The following PCDH19 variants were observed in gnomAD, a reference collection of about 807,000 sequenced individuals.
The protein encoded by PCDH19 is protocadherin-19.
In PCDH19, 6 loss-of-function variants were observed where a neutral mutation model predicts 46.2. The observed-to-expected ratio is 0.13, with a 90% CI of 0.07 to 0.26. The LOEUF is 0.26. Among genes scored for constraint, PCDH19 ranks in the 10% least tolerant of loss-of-function variants. The probability of loss-of-function intolerance (pLI) is 1.00; values close to 1 mark genes in which losing one functional copy is unlikely to be tolerated. For synonymous variants in PCDH19, 481 were observed against 415.7 expected (o/e 1.16, Z -1.91); for missense variants, 740 against 972.3 (o/e 0.76, Z 3.18).
chrX:100,378,451 A>G (rs745911985), intron 3 of PCDH19, among the ~76,000 whole-genome samples: 7 of 112,784 alleles, frequency 6.2e-5, no homozygotes, highest in Non-Finnish European at 1.3e-4. Context: ...AAGGAAATTT[A>G]CATGAAAAAT....
intron 1 of PCDH19, among the ~76,000 whole-genome samples, chrX:100,405,002 A>G (rs920625428): frequency 4.4e-5 from 5 of 112,439 alleles, no homozygotes; most frequent in African/African-American, 1.6e-4. Context: ...AACAGGATTA[A>G]AGCATTTATG....
chrX:100,325,088 C>T (rs1320944029), intron 5 of PCDH19, among the ~76,000 whole-genome samples: 2 of 109,392 alleles, frequency 1.8e-5, no homozygotes, highest in Admixed American at 2.0e-4. Flanking sequence ...AACACCTAGC[C>T]ATCCGATTCA....
intron 5 of PCDH19, among the ~76,000 whole-genome samples, chrX:100,318,919 G>A (rs1211766305): frequency 9.0e-6 from 1 of 110,519 alleles, no homozygotes; most frequent in Non-Finnish European, 1.9e-5. Context: ...CTTTCCCTCT[G>A]TGCTTTCCTT....
chrX:100,304,250 T>C (rs1048915737), intron 5 of PCDH19, among the ~76,000 whole-genome samples: 37 of 111,350 alleles, frequency 3.3e-4, no homozygotes, highest in African/African-American at 1.2e-3. Context: ...ACAGGACTCT[T>C]TGCAGACACT....
intron 3 of PCDH19, among the ~76,000 whole-genome samples, chrX:100,367,594 G>A (rs778057129): frequency 9.0e-6 from 1 of 111,590 alleles, no homozygotes; most frequent in Admixed American, 9.5e-5. Flanking sequence ...GACAGAAGAT[G>A]GAAGGACAAA....
intron 5 of PCDH19, 23 bp downstream of exon 5, chrX:100,341,880 A>T: frequency 1.0e-5 from 12 of 1,201,436 alleles, no homozygotes; most frequent in Non-Finnish European, 1.0e-5. Context: ...GATTGCTGCA[A>T]CTTACATCCA....
chrX:100,306,414 G>A (rs190579863), intron 5 of PCDH19, among the ~76,000 whole-genome samples: 19 of 111,047 alleles, frequency 1.7e-4, no homozygotes, highest in South Asian at 3.8e-4. Context: ...CAGCAAAAGC[G>A]GTGCTAAGAG....
chrX:100,373,511 A>G (rs780479823), intron 3 of PCDH19, among the ~76,000 whole-genome samples: 8 of 112,947 alleles, frequency 7.1e-5, no homozygotes, highest in Non-Finnish European at 1.5e-4. Context: ...GCTGTGATGC[A>G]GAGAGAAGAA....
At chrX:100,319,167 C>T (rs764984389) in intron 5 of PCDH19, among the ~76,000 whole-genome samples, 1 of 111,662 alleles carries the variant, frequency 9.0e-6, no homozygotes, top group East Asian at 2.8e-4. Context: ...ACTAAACCCA[C>T]AATGCTTTTG....
chrX:100,340,620 T>C (rs1009527912), intron 5 of PCDH19, among the ~76,000 whole-genome samples: 1 of 111,755 alleles, frequency 8.9e-6, no homozygotes, highest in Non-Finnish European at 1.9e-5. Flanking sequence ...ATGTCACCAC[T>C]CACCAATTAG....
intron 3 of PCDH19, among the ~76,000 whole-genome samples, chrX:100,354,389 A>G (rs1220752374): frequency 8.9e-6 from 1 of 111,978 alleles, no homozygotes; most frequent in Non-Finnish European, 1.9e-5. Context: ...AAAAATAAAA[A>G]TACTGTCACC....
intron 3 of PCDH19, among the ~76,000 whole-genome samples, chrX:100,383,647 C>T (rs931612266): frequency 1.8e-5 from 2 of 112,128 alleles, no homozygotes; most frequent in African/African-American, 3.2e-5. Context: ...ATATTATATA[C>T]ATGTCAATTG....
intron 5 of PCDH19, among the ~76,000 whole-genome samples, chrX:100,298,846 C>T (rs761663472): frequency 1.7e-3 from 195 of 111,671 alleles, no homozygotes; most frequent in Non-Finnish European, 2.9e-3. Flanking sequence ...AGTTGATCTA[C>T]TTTTAATCAG....
At chrX:100,399,152 T>C (rs1251051653) in intron 3 of PCDH19, among the ~76,000 whole-genome samples, 3 of 111,953 alleles carry the variant, frequency 2.7e-5, no homozygotes, top group Non-Finnish European at 5.6e-5. Flanking sequence ...AATGAAATAA[T>C]ATAAAGAACA....
chrX:100,363,482 A>C (rs1926961759), intron 3 of PCDH19, among the ~76,000 whole-genome samples: 1 of 106,574 alleles, frequency 9.4e-6, no homozygotes, highest in African/African-American at 3.4e-5. Flanking sequence ...GTCCAACTAA[A>C]CTCCCATTGA....
chrX:100,299,069 A>G (rs1055022969), intron 5 of PCDH19, among the ~76,000 whole-genome samples: 3 of 111,628 alleles, frequency 2.7e-5, no homozygotes, highest in Middle Eastern at 4.6e-3. Flanking sequence ...AAAGTTCAAT[A>G]AATTATTTCC....
intron 3 of PCDH19, among the ~76,000 whole-genome samples, chrX:100,363,693 TATATAATATATTTATTTTATATATA>T (rs1250683877): frequency 2.3e-4 from 13 of 56,412 alleles, no homozygotes; most frequent in East Asian, 6.8e-4. Context: ...ACATATTTTA[TATATAATATATTTATTTTATATATA>T]ATATATTTAT....
At position 100,408,085 on chromosome X, in the gene PCDH19, G is replaced by A. The variant is rs749602848; in HGVS notation, c.513C>T (p.Asn171=). 341 of 1,209,015 alleles carry A rather than the reference G, an allele frequency of 2.8e-4. 1 individual carries two copies. The highest frequency in any genetic ancestry group is 2.4e-3 in the South Asian group (139 of 56,892). The change falls in exon 1 of 6, where the codon AAC becomes AAT. Residue 171 remains asparagine (N), a synonymous_variant. Transcript: ENST00000373034. ...FGVQTYELTP[N]ELFGLEIKTR... is the part of the protein sequence containing the mutation. ...TCTTGATCTCCAGGCCGAACAGCTCGTTGGGCGTGAGCTCGTAAGTCTGCA... is the reference window on the plus strand; with the variant it reads ...TCTTGATCTCCAGGCCGAACAGCTCATTGGGCGTGAGCTCGTAAGTCTGCA...
chrX:100,371,397 C>T (rs1179197938), intron 3 of PCDH19, among the ~76,000 whole-genome samples: 5 of 111,070 alleles, frequency 4.5e-5, no homozygotes, highest in African/African-American at 1.3e-4. Flanking sequence ...GTACTTTGGG[C>T]TCCAAAAGGG....
Sources: allele counts gnomAD v4.1 joint callset (sites outside exome capture counted in the v4.1 genomes callset), GRCh38; gene constraint gnomAD v4.1.1; transcripts MANE v1.5; gene names NCBI Gene and HGNC (gene_info 2026-07-23, HGNC 2026-07-21).